The following SLC4A8 variants were observed in gnomAD, a reference collection of about 807,000 sequenced individuals.
SLC4A8 encodes the protein solute carrier family 4 member 8, also known as electroneutral sodium bicarbonate exchanger 1.
A neutral mutation model predicts 125.0 loss-of-function variants in SLC4A8; 40 were observed. The observed-to-expected ratio is 0.32, with a 90% CI of 0.25 to 0.42. SLC4A8 has a LOEUF of 0.42. Among genes scored for constraint, SLC4A8 ranks in the 10% least tolerant of loss-of-function variants. SLC4A8 has a pLI of 1.00. For synonymous variants in SLC4A8, 456 were observed against 476.0 expected (o/e 0.96, Z 0.55); for missense variants, 863 against 1,355.1 (o/e 0.64, Z 5.70).
At chr12:51,424,047 AAAAAAAC>A (rs1948866151), upstream of SLC4A8, among the ~76,000 whole-genome samples, 5 of 51,626 alleles carry the variant, frequency 9.7e-5, no homozygotes, top group African/African-American at 1.9e-4. Context: ...CAAAAAAAAA[AAAAAAAC>A]AAAAAAAACA....
At chr12:51,465,524 T>C (rs191871258) in intron 11 of SLC4A8, among the ~76,000 whole-genome samples, 79 of 152,322 alleles carry the variant, frequency 5.2e-4, no homozygotes, top group African/African-American at 1.9e-3. Flanking sequence ...GATCATCATA[T>C]TCTTATTCAC....
Position 51,462,360 on chromosome 12 carries a change from G to A in SLC4A8, c.1152G>A (p.Ala384=), listed in dbSNP as rs775473317. The part of the protein sequence containing the change: ...YKAKERDDLL[A]GIDEFLDQVT... Reference sequence around the variant, plus strand: ...CAAAAGAGCGAGATGATCTCCTGGCGGGGATTGATGAGTTCCTAGACCAGG... The same window carrying A: ...CAAAAGAGCGAGATGATCTCCTGGCAGGGATTGATGAGTTCCTAGACCAGG... The change falls in exon 10 of 25, where the codon GCG becomes GCA. Residue 384 remains alanine (A), a synonymous_variant. Coordinates refer to ENST00000453097, the MANE Select transcript of SLC4A8 (RefSeq NM_001039960.3). 16 of 1,613,588 alleles carry A rather than the reference G, an allele frequency of 9.9e-6. No homozygotes were observed. The highest frequency in any genetic ancestry group is 5.0e-5 in the Admixed American group (3 of 59,976).
intron 1 of SLC4A8, among the ~76,000 whole-genome samples, chr12:51,432,645 C>T (rs745626387): frequency 1.3e-5 from 2 of 152,032 alleles, no homozygotes; most frequent in South Asian, 2.1e-4. Context: ...ATTGTTTGAA[C>T]CCAGGAGACA....
At chr12:51,396,429 C>T (rs1359209147) in intron 1 of SLC4A8, among the ~76,000 whole-genome samples, 1 of 152,062 alleles carries the variant, frequency 6.6e-6, no homozygotes, top group Non-Finnish European at 1.5e-5. Context: ...CTCTTGAGTG[C>T]AAAATTTATG....
chr12:51,495,213 A>G, intron 21 of SLC4A8, 95 bp downstream of exon 21: 5 of 1,105,074 alleles, frequency 4.5e-6, no homozygotes, highest in Non-Finnish European at 6.4e-6. Flanking sequence ...TTAAGTGTAC[A>G]GTTGAGTGGC....
chr12:51,391,600 C>A (rs1188010215), intron 1 of SLC4A8: 3 of 147,536 alleles, frequency 2.0e-5, no homozygotes, highest in African/African-American at 7.3e-5. Context: ...CTGCCGCTTA[C>A]CTGTCGCGCC....
Position 51,458,554 on chromosome 12 carries a change from A to C in SLC4A8, c.764-5A>C, listed in dbSNP as rs1950226249. Reference sequence around the variant, plus strand: ...TCAGGATTTTGTTTTATTTTCTCCAAATAGGTCAAACCGTGTCTCCTCAGT... The same window carrying C: ...TCAGGATTTTGTTTTATTTTCTCCACATAGGTCAAACCGTGTCTCCTCAGT... On this transcript the variant is annotated splice_region_variant and splice_polypyrimidine_tract_variant and intron_variant, in intron 6 of 24. Transcript: ENST00000453097. 1.9e-6 allele frequency: 3 copies of C among 1,609,380 alleles called. No homozygotes were observed. In the Admixed American group the frequency reaches 5.0e-5, roughly 27 times the overall value.
At chr12:51,491,659 C>T (rs1483784400) in intron 19 of SLC4A8, among the ~76,000 whole-genome samples, 1 of 151,602 alleles carries the variant, frequency 6.6e-6, no homozygotes, top group Admixed American at 6.6e-5. Flanking sequence ...TCATTTTGTT[C>T]TGAAATGAAA....
In SLC4A8 at chr12:51,461,533, G is replaced by A. The variant is rs535997687; in HGVS notation, c.1101+242G>A. The stretch of plus-strand genomic sequence containing the variant: ...GAATGCAGAGAAATCTTTTTCTGGG[G>A]AAACTATTATTGCCAAGTAGGATAT... On this transcript the variant is annotated intron_variant, in intron 9 of 24. Coordinates refer to ENST00000453097, the MANE Select transcript of SLC4A8 (RefSeq NM_001039960.3). 4.9e-5 allele frequency: 19 copies of A among 383,978 alleles called. No homozygotes were observed. The East Asian group carries it at 7.5e-4, about 15-fold the overall frequency. 23.8% of individuals were successfully genotyped at this position (383,978 alleles called of 1,614,324 possible).
At chr12:51,480,562 GATTTCC>G in intron 16 of SLC4A8, 1 of 987,352 alleles carries the variant, frequency 1.0e-6, no homozygotes. Context: ...AATATCTTTT[GATTTCC>G]ATTTGTATGG....
At chr12:51,420,636 C>T (rs35367127), upstream of SLC4A8, among the ~76,000 whole-genome samples, 35,253 of 152,144 alleles carry the variant, frequency 0.23, 4,918 homozygotes, top group Non-Finnish European at 0.31. Flanking sequence ...CAAGACCCAC[C>T]GCTTTCCCCA....
intron 2 of SLC4A8, among the ~76,000 whole-genome samples, chr12:51,447,127 T>C (rs1949799612): frequency 6.8e-6 from 1 of 147,576 alleles, no homozygotes; most frequent in African/African-American, 2.5e-5. Context: ...CAGGCTGGAG[T>C]GCGGTGGTAA....
intron 1 of SLC4A8, among the ~76,000 whole-genome samples, chr12:51,439,885 AAGTT>A (rs764511887): frequency 1.3e-5 from 2 of 152,154 alleles, no homozygotes; most frequent in Non-Finnish European, 2.9e-5. Context: ...TTTGGAAGGA[AAGTT>A]AGTTGGGTTT....
chr12:51,449,345 A>G (rs572117561), intron 2 of SLC4A8, among the ~76,000 whole-genome samples: 1 of 151,960 alleles, frequency 6.6e-6, no homozygotes, highest in Admixed American at 6.5e-5. Context: ...GGATCACTTG[A>G]ACTTGGGAAT....
intron 10 of SLC4A8, 145 bp from the exon 11 acceptor site, chr12:51,463,468 AC>A (rs1950413797): frequency 1.7e-6 from 1 of 590,346 alleles, no homozygotes; most frequent in Non-Finnish European, 3.1e-6. Context: ...AAGTCAATAA[AC>A]TGCATCAAGT....
chr12:51,453,393 T>C (rs1950027466), intron 4 of SLC4A8, 146 bp from the exon 5 acceptor site: 1 of 750,556 alleles, frequency 1.3e-6, no homozygotes, highest in East Asian at 2.7e-5. Flanking sequence ...TTTTCACTTA[T>C]CAATGTACCC....
intron 1 of SLC4A8, among the ~76,000 whole-genome samples, chr12:51,429,780 AT>A: frequency 6.6e-6 from 1 of 151,932 alleles, no homozygotes; most frequent in Non-Finnish European, 1.5e-5. Flanking sequence ...AAGTGCTGGG[AT>A]TATAGGCATG....
At chr12:51,495,470 C>CTTTTTTTTTTTT (rs3028942) in intron 21 of SLC4A8, among the ~76,000 whole-genome samples, 16 of 76,276 alleles carry the variant, frequency 2.1e-4, no homozygotes, top group South Asian at 5.9e-4. Context: ...TTTCTTTCTT[C>CTTTTTTTTTTTT]TTTTTTTTTT....
rs541774720 is a variant in SLC4A8, at chr12:51,428,323, G to A, written c.48+3288G>A. On this transcript the variant is annotated intron_variant, in intron 1 of 24. Coordinates refer to ENST00000453097, the MANE Select transcript of SLC4A8 (RefSeq NM_001039960.3). The stretch of plus-strand genomic sequence containing the variant: ...TCAGTTAGAAGCTTCTTGAGGGCAG[G>A]GGACAAGCAGAAAATCTTCTCACCT... Among the ~76,000 whole-genome samples the A allele has an allele frequency of 6.6e-5, 10 of 152,192 alleles. No individual in the cohort carries two copies. The South Asian group carries it at 2.1e-3, about 32-fold the overall frequency.
Sources: gnomAD v4.1 joint callset for allele counts (sites outside exome capture counted in the v4.1 genomes callset) on GRCh38, gnomAD v4.1.1 for gene constraint, MANE v1.5 for transcripts, NCBI Gene and HGNC (gene_info 2026-07-23, HGNC 2026-07-21) for gene names.